The following GIGYF2 variants were observed in gnomAD, a reference collection of about 807,000 sequenced individuals.
GIGYF2 encodes the protein GRB10 interacting GYF protein 2.
A neutral mutation model predicts 208.1 loss-of-function variants in GIGYF2; 25 were observed. That is an observed-to-expected ratio of 0.12 (90% CI 0.09 to 0.17). The LOEUF (loss-of-function observed/expected upper bound fraction) is 0.17, where lower values mean the gene tolerates loss of function less well. Ranked by LOEUF, GIGYF2 falls within the 10% of genes least tolerant of loss-of-function variation. GIGYF2 has a pLI of 1.00. For synonymous variants in GIGYF2, 534 were observed against 543.8 expected (o/e 0.98, Z 0.25); for missense variants, 1,302 against 1,579.4 (o/e 0.82, Z 2.98).
At position 232,844,723 on chromosome 2, in the gene GIGYF2, T is replaced by C. The variant is rs538026891; in HGVS notation, c.3305+149T>C. On this transcript the variant is annotated intron_variant, in intron 25 of 28. Transcript: ENST00000373563. ...GTTCAAGCACATGCAGTCATAATTA[T>C]GGTGATTGCTTTCTTCCCCATAGAA... 24 of 677,934 alleles carry C rather than the reference T, an allele frequency of 3.5e-5. No individual in the cohort carries two copies. The Admixed American group carries it at 4.2e-4, about 12-fold the overall frequency. The allele number at this position is 677,934 out of a possible 1,614,324, so 42.0% of individuals were successfully genotyped here.
intron 25 of GIGYF2, 55 bp from the exon 26 acceptor site, chr2:232,845,676 TA>T: frequency 7.1e-7 from 1 of 1,414,984 alleles, no homozygotes; most frequent in Non-Finnish European, 1.0e-6. Flanking sequence ...TGTTGTACTA[TA>T]ATCATATAGT....
At chr2:232,699,651 G>T (rs1182866519) in intron 1 of GIGYF2, among the ~76,000 whole-genome samples, 1 of 152,148 alleles carries the variant, frequency 6.6e-6, no homozygotes, top group East Asian at 1.9e-4. Flanking sequence ...ACAAGAAGGA[G>T]GCTCTTTGGA....
At chr2:232,698,805 C>T (rs1308099948) in intron 1 of GIGYF2, among the ~76,000 whole-genome samples, 3 of 152,218 alleles carry the variant, frequency 2.0e-5, no homozygotes, top group African/African-American at 4.8e-5. Context: ...GGTAGTGCTT[C>T]ACCAGAAAGG....
chr2:232,703,137 A>C (rs1213443404), intron 1 of GIGYF2, among the ~76,000 whole-genome samples: 1 of 151,930 alleles, frequency 6.6e-6, no homozygotes, highest in African/African-American at 2.4e-5. Flanking sequence ...TTGAATGAAA[A>C]CCCCAAATAA....
chr2:232,809,742 T>C lies in GIGYF2; in HGVS notation c.1829T>C (p.Leu610Pro). Residue 610 changes from leucine (L) to proline (P), a missense_variant, in exon 16 of 29, where the codon CTG becomes CCG. This residue lies in a region of GIGYF2 where 701 missense variants were observed against 793.0 expected (regional missense o/e 0.88). Coordinates refer to ENST00000373563, the MANE Select transcript of GIGYF2 (RefSeq NM_001103146.3). ...PHMGELDQERLTRQQELTALY... is the reference protein window; with the variant it reads ...PHMGELDQERPTRQQELTALY... ...TAGGGAGAGCTGGACCAGGAACGAC[T>C]GACCAGGCAGCAAGAACTCACAGCC... The C allele has an allele frequency of 1.9e-6, 3 of 1,610,290 alleles. No individual in the cohort carries two copies. Among genetic ancestry groups the C allele is most frequent in the East Asian group, 2.2e-5 (1 of 44,852 alleles).
chr2:232,836,282 AT>A (rs1559160242), intron 22 of GIGYF2, among the ~76,000 whole-genome samples: 3 of 6,830 alleles, frequency 4.4e-4, no homozygotes, highest in African/African-American at 2.1e-3. Context: ...ATATATATAT[AT>A]ATATATATAT....
chr2:232,850,504 G>T, intron 28 of GIGYF2, 95 bp downstream of exon 28: 1 of 1,170,102 alleles, frequency 8.5e-7, no homozygotes. Flanking sequence ...TTTTCAAGAA[G>T]GGAAATATTT....
At position 232,756,300 on chromosome 2, in the gene GIGYF2, G is replaced by A. The variant is rs138439912; in HGVS notation, c.345G>A (p.Gly115=). 5.2e-5 allele frequency: 83 copies of A among 1,583,560 alleles called. No individual in the cohort carries two copies. In the African/African-American group the frequency reaches 1.0e-3, roughly 19 times the overall value. Residue 115 remains glycine (G), a synonymous_variant, in exon 6 of 29, where the codon GGG becomes GGA. Transcript: ENST00000373563. ...GAGGAGGAGGAGGAACAGTGGTGGG[G>A]GCTCCTAGAGGTCGAAGTTCTTCAA... ...TGRGGGGTVV[G]APRGRSSSRG...
At chr2:232,781,139 A>G (rs1179188997) in intron 8 of GIGYF2, among the ~76,000 whole-genome samples, 1 of 151,946 alleles carries the variant, frequency 6.6e-6, no homozygotes, top group Non-Finnish European at 1.5e-5. Flanking sequence ...TAGTACTTTT[A>G]GTAGAAACGG....
intron 2 of GIGYF2, among the ~76,000 whole-genome samples, chr2:232,732,024 C>T (rs551913478): frequency 6.6e-6 from 1 of 152,274 alleles, no homozygotes; most frequent in Admixed American, 6.5e-5. Context: ...TATTTAGAGT[C>T]TGACTTTTCT....
intron 2 of GIGYF2, among the ~76,000 whole-genome samples, chr2:232,713,954 CT>C (rs34183844): frequency 0.63 from 81,708 of 129,734 alleles, 24,522 homozygotes; most frequent in East Asian, 0.83. Flanking sequence ...TTTTTTTTCT[CT>C]TTTTTTTTTT....
intron 25 of GIGYF2, 120 bp downstream of exon 25, chr2:232,844,694 C>CT: frequency 1.4e-6 from 1 of 723,056 alleles, no homozygotes; most frequent in African/African-American, 1.7e-5. Flanking sequence ...CCGTTTTCAT[C>CT]TGTGTTCAAG....
chr2:232,698,792 G>A (rs1282761377), intron 1 of GIGYF2, among the ~76,000 whole-genome samples: 1 of 152,210 alleles, frequency 6.6e-6, no homozygotes. Context: ...ATACACTGGT[G>A]ATGGTAGTGC....
intron 3 of GIGYF2, among the ~76,000 whole-genome samples, chr2:232,736,856 G>GT (rs1431857132): frequency 2.0e-5 from 3 of 152,018 alleles, no homozygotes; most frequent in Non-Finnish European, 4.4e-5. Flanking sequence ...TAAGGAAGTT[G>GT]TTTTTTTCAG....
At chr2:232,836,565 CAAA>C (rs554171454) in intron 22 of GIGYF2, among the ~76,000 whole-genome samples, 14 of 55,854 alleles carry the variant, frequency 2.5e-4, no homozygotes, top group Admixed American at 4.2e-4. Flanking sequence ...GACCCTGTCT[CAAA>C]AAAAAAAAAA....
chr2:232,703,022 A>G (rs978875669), intron 1 of GIGYF2, among the ~76,000 whole-genome samples: 4 of 152,142 alleles, frequency 2.6e-5, no homozygotes, highest in Non-Finnish European at 4.4e-5. Context: ...CGTGGGCTCA[A>G]TCGATCACCT....
In GIGYF2 at chr2:232,760,356, C is replaced by A. The variant is rs758241214; in HGVS notation, c.380-124C>A. On this transcript the variant is annotated intron_variant, in intron 6 of 28. Coordinates refer to ENST00000373563, the MANE Select transcript of GIGYF2 (RefSeq NM_001103146.3). ...TAAGTCAAGATCATCAGGCCTCGTT[C>A]AGTATTTAAATGTAGATGTCCTGCC... 2.3e-4 allele frequency: 163 copies of A among 712,022 alleles called. 4 individuals carry two copies. The highest frequency in any genetic ancestry group is 8.1e-4 in the South Asian group (53 of 65,626). The allele number at this position is 712,022 out of a possible 1,614,324, so 44.1% of individuals were successfully genotyped here. A position where few individuals can be genotyped will look rare whatever the true frequency, so the allele number is the denominator to read the frequency against.
chr2:232,713,329 T>C (rs1226818359), intron 2 of GIGYF2, among the ~76,000 whole-genome samples: 1 of 152,162 alleles, frequency 6.6e-6, no homozygotes, highest in Non-Finnish European at 1.5e-5. Flanking sequence ...CGGCTGACTT[T>C]GGCCTCCCAA....
At chr2:232,816,753 G>A (rs1374961515) in intron 19 of GIGYF2, 118 bp from the exon 20 acceptor site, 2 of 764,632 alleles carry the variant, frequency 2.6e-6, no homozygotes, top group East Asian at 5.1e-5. Flanking sequence ...GGATCACCTG[G>A]TTGCAGTGCA....
Sources: gnomAD v4.1 joint callset for allele counts (sites outside exome capture counted in the v4.1 genomes callset) on GRCh38, gnomAD v4.1.1 for gene constraint, gnomAD v4.1.1 regional missense constraint, MANE v1.5 for transcripts, NCBI Gene and HGNC (gene_info 2026-07-23, HGNC 2026-07-21) for gene names.